PTPRD: variants seen among roughly 807,000 people sequenced by gnomAD.
The protein encoded by PTPRD is receptor-type tyrosine-protein phosphatase delta.
Under a neutral mutation model 214.5 loss-of-function variants are expected in PTPRD, and 34 were observed. That is an observed-to-expected ratio of 0.16 (90% confidence interval 0.12 to 0.21). The LOEUF is 0.21. Among genes scored for constraint, PTPRD ranks in the 10% least tolerant of loss-of-function variants. PTPRD has a pLI of 1.00. For synonymous variants in PTPRD, 1,128 were observed against 845.7 expected, an observed-to-expected ratio of 1.33 and a Z score of -5.79; for missense variants, 2,545 against 2,398.7, an observed-to-expected ratio of 1.06 and a Z score of -1.27.
chr9:9,007,196 A>C (rs2099477317), intron 11 of PTPRD, among the ~76,000 whole-genome samples: 1 of 151,812 alleles, frequency 6.6e-6, no homozygotes, highest in Non-Finnish European at 1.5e-5. Flanking sequence ...TATATGTAGA[A>C]ATATACAGTA....
Position 8,524,974 on chromosome 9 carries a change from G to A in PTPRD, c.630C>T (p.Thr210=), listed in dbSNP as rs2097986322. 1 of 1,613,504 alleles carries A rather than the reference G, an allele frequency of 6.2e-7. No homozygotes were observed. Among genetic ancestry groups the A allele is most frequent in the African/African-American group, 1.3e-5 (1 of 74,838 alleles). ...CGGAATAGCGAGTGCCCGCGCTGTT[G>A]GTGGCAACACACTCATATTTTCCTT... ...SDQGKYECVA[T]NSAGTRYSAP... The change falls in exon 18 of 46, where the codon ACC becomes ACT. Residue 210 remains threonine, a synonymous_variant. Coordinates refer to ENST00000381196, the MANE Select transcript of PTPRD (RefSeq NM_002839.4).
chr9:9,072,364 G>A lies in PTPRD; in HGVS notation c.-142-53629C>T, dbSNP rs555459676. 1.3e-4 allele frequency among the ~76,000 whole-genome samples: 19 copies of A among 150,894 alleles called. No homozygotes were observed. In the East Asian group the frequency reaches 3.7e-3, roughly 29 times the overall value. On this transcript the variant is annotated intron_variant, in intron 10 of 45. Coordinates refer to ENST00000381196, the MANE Select transcript of PTPRD (RefSeq NM_002839.4). ...TTTGCCATTGACCAGAATAAACAGA[G>A]CATTGTCACAGATTGCTACCAGACT...
At chr9:9,709,150 C>G (rs2097680731) in intron 7 of PTPRD, among the ~76,000 whole-genome samples, 1 of 151,782 alleles carries the variant, frequency 6.6e-6, no homozygotes, top group African/African-American at 2.4e-5. Context: ...ATTCAAATAC[C>G]AAAACAAACT....
chr9:10,543,624 C>T (rs984841544), intron 2 of PTPRD, among the ~76,000 whole-genome samples: 1 of 152,126 alleles, frequency 6.6e-6, no homozygotes, highest in African/African-American at 2.4e-5. Flanking sequence ...TGTCTTAAGG[C>T]ATCGTGCTTA....
chr9:10,266,815 G>C (rs895313309), intron 3 of PTPRD, among the ~76,000 whole-genome samples: 2 of 152,136 alleles, frequency 1.3e-5, no homozygotes, highest in African/African-American at 2.4e-5. Context: ...AGCGTGTAAA[G>C]CCCATTAAGA....
chr9:8,362,900 T>A (rs1240052125), intron 39 of PTPRD, among the ~76,000 whole-genome samples: 2 of 152,194 alleles, frequency 1.3e-5, no homozygotes, highest in African/African-American at 2.4e-5. Flanking sequence ...AAGCTAAGTA[T>A]GTAGTGAAAG....
At chr9:10,144,456 G>C (rs1014878199) in intron 3 of PTPRD, among the ~76,000 whole-genome samples, 2 of 152,062 alleles carry the variant, frequency 1.3e-5, no homozygotes, top group African/African-American at 2.4e-5. Context: ...GGAACTTGCT[G>C]TATTCCCCCT....
chr9:10,252,451 G>T (rs1220154984), intron 3 of PTPRD, among the ~76,000 whole-genome samples: 1 of 152,084 alleles, frequency 6.6e-6, no homozygotes, highest in Non-Finnish European at 1.5e-5. Context: ...CCAAGCTAAA[G>T]CCTTTGAAGT....
intron 11 of PTPRD, among the ~76,000 whole-genome samples, chr9:8,770,535 C>T (rs2095126932): frequency 1.3e-5 from 2 of 152,132 alleles, no homozygotes; most frequent in Admixed American, 6.5e-5. Flanking sequence ...TATTATTAGA[C>T]AATGGTGTAG....
chr9:9,125,614 A>G (rs1051763215), intron 10 of PTPRD, among the ~76,000 whole-genome samples: 9 of 152,310 alleles, frequency 5.9e-5, no homozygotes, highest in African/African-American at 1.9e-4. Flanking sequence ...TGCTCAAGAA[A>G]TACTTCTTGA....
intron 11 of PTPRD, among the ~76,000 whole-genome samples, chr9:8,838,914 GA>G (rs1011889204): frequency 7.9e-5 from 12 of 151,078 alleles, no homozygotes; most frequent in African/African-American, 2.9e-4. Flanking sequence ...TAATAAGAGA[GA>G]AAAAAAACCA....
At position 8,340,328 on chromosome 9, in the gene PTPRD, G is replaced by A. The variant is rs564399779; in HGVS notation, c.5253+15C>T. ...AAATGTCTTATGAGGAGACACACAA[G>A]GGCCACACACTTACTCTGCCCATTT... On this transcript the variant is annotated intron_variant, in intron 42 of 45. Transcript: ENST00000381196. 5 of 1,586,380 alleles carry A rather than the reference G, an allele frequency of 3.2e-6. No individual in the cohort carries two copies. The highest frequency in any genetic ancestry group is 2.7e-5 in the African/African-American group (2 of 74,708).
chr9:8,377,115 G>C (rs78757458), intron 37 of PTPRD, among the ~76,000 whole-genome samples: 2,258 of 152,190 alleles, frequency 0.015, 67 homozygotes, highest in African/African-American at 0.052. Flanking sequence ...TGGTAAGATA[G>C]TGTTACTTCA....
chr9:10,485,337 C>CAGA (rs2099125630), intron 2 of PTPRD, among the ~76,000 whole-genome samples: 1 of 152,014 alleles, frequency 6.6e-6, no homozygotes, highest in Non-Finnish European at 1.5e-5. Context: ...ACAGTTTAGA[C>CAGA]TATTCTGAGT....
chr9:9,668,871 G>C (rs1482182019), intron 7 of PTPRD, among the ~76,000 whole-genome samples: 1 of 152,094 alleles, frequency 6.6e-6, no homozygotes, highest in Non-Finnish European at 1.5e-5. Context: ...TGCACTCCGT[G>C]AGGCAGAGTG....
chr9:9,299,321 C>A (rs1321469502), intron 9 of PTPRD, among the ~76,000 whole-genome samples: 1 of 151,702 alleles, frequency 6.6e-6, no homozygotes, highest in African/African-American at 2.4e-5. Context: ...GGACATTTGG[C>A]AATGTCTGGT....
At chr9:10,300,152 A>G (rs1174757241) in intron 3 of PTPRD, among the ~76,000 whole-genome samples, 1 of 152,186 alleles carries the variant, frequency 6.6e-6, no homozygotes, top group Non-Finnish European at 1.5e-5. Context: ...TAGTAAGAAA[A>G]CAACAACAAC....
At position 8,435,449 on chromosome 9, in the gene PTPRD, A is replaced by G. The variant is rs566303111; in HGVS notation, c.4086+1143T>C. Reference sequence around the variant, plus strand: ...CAGGATGTGTTAACGACTCCCAGTAAGTAAATCAATAGAAACCCCGATGGT... The same window carrying G: ...CAGGATGTGTTAACGACTCCCAGTAGGTAAATCAATAGAAACCCCGATGGT... On this transcript the variant is annotated intron_variant, in intron 35 of 45. Coordinates refer to ENST00000381196, the MANE Select transcript of PTPRD (RefSeq NM_002839.4). Among the ~76,000 whole-genome samples the G allele has an allele frequency of 1.8e-4, 28 of 152,304 alleles. 1 individual carries two copies. The South Asian group carries it at 4.2e-3, about 23-fold the overall frequency.
intron 10 of PTPRD, among the ~76,000 whole-genome samples, chr9:9,032,487 T>C (rs2099608713): frequency 6.6e-6 from 1 of 152,070 alleles, no homozygotes; most frequent in African/African-American, 2.4e-5. Flanking sequence ...CAAAAATAAT[T>C]ATGAGGGAAG....
Sources: gnomAD v4.1 joint callset for allele counts (sites outside exome capture counted in the v4.1 genomes callset) on GRCh38, gnomAD v4.1.1 for gene constraint, MANE v1.5 for transcripts, NCBI Gene and HGNC (gene_info 2026-07-23, HGNC 2026-07-21) for gene names.